Variants in RBFOX1 observed in about 807,000 individuals in gnomAD.
RBFOX1 encodes the protein RNA binding fox-1 homolog 1, also known as RNA binding protein fox-1 homolog 1.
RBFOX1 carries 8 observed loss-of-function variants against 57.7 expected under a neutral mutation model. The observed-to-expected ratio is 0.14, with a 90% CI of 0.08 to 0.25. The LOEUF (loss-of-function observed/expected upper bound fraction) is 0.25, where lower values mean the gene tolerates loss of function less well. RBFOX1 is among the 10% of genes least tolerant of loss of function. The pLI is 1.00. For missense variants in RBFOX1, 611 were observed against 548.5 expected, an observed-to-expected ratio of 1.11 and a Z score of -1.14; for synonymous variants, 326 against 222.4, an observed-to-expected ratio of 1.47 and a Z score of -4.15.
At chr16:6,816,809 A>G (rs1408946386) in intron 3 of RBFOX1, among the ~76,000 whole-genome samples, 4 of 152,010 alleles carry the variant, frequency 2.6e-5, no homozygotes, top group Non-Finnish European at 4.4e-5. Flanking sequence ...CAGTGATGCA[A>G]TCATATCTCA....
chr16:6,801,915 A>C (rs192462549), intron 3 of RBFOX1, among the ~76,000 whole-genome samples: 417 of 152,106 alleles, frequency 2.7e-3, no homozygotes, highest in African/African-American at 9.6e-3. Flanking sequence ...AGTCCTGAGG[A>C]CCTTCATCTG....
intron 4 of RBFOX1, among the ~76,000 whole-genome samples, chr16:7,112,050 G>A (rs551757223): frequency 1.4e-5 from 2 of 143,906 alleles, no homozygotes; most frequent in South Asian, 2.1e-4. Flanking sequence ...AGGGAGGTAA[G>A]TGTGTGTGTG....
chr16:7,598,267 C>T, intron 9 of RBFOX1, among the ~76,000 whole-genome samples: 1 of 151,952 alleles, frequency 6.6e-6, no homozygotes, highest in Non-Finnish European at 1.5e-5. Context: ...GGATAAGGAT[C>T]ATAAAGGGTC....
At chr16:6,608,135 T>C (rs542771567) in intron 2 of RBFOX1, among the ~76,000 whole-genome samples, 2 of 152,348 alleles carry the variant, frequency 1.3e-5, no homozygotes, top group East Asian at 1.9e-4. Context: ...TACTATTTCA[T>C]TGATTACTCC....
chr16:5,251,024 C>T (rs1174121390), intron 1 of RBFOX1, among the ~76,000 whole-genome samples: 7 of 152,282 alleles, frequency 4.6e-5, no homozygotes, highest in East Asian at 3.9e-4. Flanking sequence ...GATGATGGCA[C>T]GACCGCCCCT....
At chr16:6,533,181 C>T (rs1010125229) in intron 2 of RBFOX1, among the ~76,000 whole-genome samples, 12 of 152,194 alleles carry the variant, frequency 7.9e-5, no homozygotes, top group African/African-American at 2.9e-4. Flanking sequence ...CTAGATGAGA[C>T]CCTGATACTG....
intron 1 of RBFOX1, among the ~76,000 whole-genome samples, chr16:5,442,793 A>G (rs560258705): frequency 6.6e-6 from 1 of 152,272 alleles, no homozygotes; most frequent in South Asian, 2.1e-4. Flanking sequence ...TGTGGACTGA[A>G]TACTGTCTCT....
intron 3 of RBFOX1, among the ~76,000 whole-genome samples, chr16:6,717,847 G>T (rs116514855): frequency 6.6e-6 from 1 of 152,126 alleles, no homozygotes; most frequent in Non-Finnish European, 1.5e-5. Flanking sequence ...ATGGTGTTTC[G>T]TGGGATACCC....
At chr16:7,228,663 A>G (rs990805858) in intron 4 of RBFOX1, among the ~76,000 whole-genome samples, 2 of 152,170 alleles carry the variant, frequency 1.3e-5, no homozygotes, top group Non-Finnish European at 2.9e-5. Context: ...TTTGCACCTG[A>G]TTGGCTGTGC....
At chr16:6,002,446 A>G (rs974118051) in intron 4 of RBFOX1, among the ~76,000 whole-genome samples, 1 of 152,214 alleles carries the variant, frequency 6.6e-6, no homozygotes, top group Non-Finnish European at 1.5e-5. Flanking sequence ...TCCACATGGC[A>G]TGCACCTTTG....
intron 4 of RBFOX1, among the ~76,000 whole-genome samples, chr16:5,983,847 C>T (rs1469775562): frequency 6.7e-6 from 1 of 148,394 alleles, no homozygotes; most frequent in Non-Finnish European, 1.5e-5. Context: ...CCCTCCCTCC[C>T]TCCCTGCCTT....
rs185916906 is a variant in RBFOX1 at position 6,203,278 on chromosome 16, C to T, written c.-126-113717C>T. Among the ~76,000 whole-genome samples, 27 of 152,240 alleles carry T rather than the reference C, an allele frequency of 1.8e-4. No individual in the cohort carries two copies. The South Asian group carries it at 2.1e-3, about 12-fold the overall frequency. ...CCCCTTCTCCAACCCATGGCAACCA[C>T]GGTTGTACTTTGTGGTTCTGTGAGT... On this transcript the variant is annotated intron_variant, in intron 1 of 15. Coordinates refer to ENST00000550418, the MANE Select transcript of RBFOX1 (RefSeq NM_018723.4).
At chr16:6,630,467 A>G (rs969701092) in intron 2 of RBFOX1, among the ~76,000 whole-genome samples, 3 of 152,172 alleles carry the variant, frequency 2.0e-5, no homozygotes, top group Non-Finnish European at 4.4e-5. Context: ...ATCAGTTTGC[A>G]CCAGGCACTG....
chr16:7,402,332 T>C (rs2098258710), intron 4 of RBFOX1, among the ~76,000 whole-genome samples: 1 of 152,212 alleles, frequency 6.6e-6, no homozygotes, highest in South Asian at 2.1e-4. Flanking sequence ...AAGTAGTAAG[T>C]ATGTTCCTGA....
At chr16:7,539,784 G>C (rs1188655889) in intron 5 of RBFOX1, among the ~76,000 whole-genome samples, 1 of 152,172 alleles carries the variant, frequency 6.6e-6, no homozygotes, top group Non-Finnish European at 1.5e-5. Context: ...GATGAGGCTT[G>C]GGAGATGAAA....
chr16:6,131,320 C>G (rs371794900), intron 1 of RBFOX1, among the ~76,000 whole-genome samples: 1 of 152,196 alleles, frequency 6.6e-6, no homozygotes, highest in African/African-American at 2.4e-5. Flanking sequence ...GTTATTGGTA[C>G]TTTGCTGTAC....
chr16:7,285,392 G>A (rs2095630174), intron 4 of RBFOX1, among the ~76,000 whole-genome samples: 1 of 151,916 alleles, frequency 6.6e-6, no homozygotes, highest in African/African-American at 2.4e-5. Flanking sequence ...GTGTGTGTGT[G>A]TGTGTGTGTG....
chr16:5,588,898 G>A (rs1009530748), intron 2 of RBFOX1, among the ~76,000 whole-genome samples: 1 of 152,168 alleles, frequency 6.6e-6, no homozygotes, highest in Non-Finnish European at 1.5e-5. Flanking sequence ...CAATTGGGTG[G>A]TTGATTGGAT....
intron 3 of RBFOX1, among the ~76,000 whole-genome samples, chr16:6,867,643 C>T (rs556717147): frequency 6.6e-6 from 1 of 152,062 alleles, no homozygotes; most frequent in Non-Finnish European, 1.5e-5. Flanking sequence ...CGCTTGAACC[C>T]GGGAGGCAGA....
Sources: allele counts gnomAD v4.1 joint callset (sites outside exome capture counted in the v4.1 genomes callset), GRCh38; gene constraint gnomAD v4.1.1; transcripts MANE v1.5; gene names NCBI Gene and HGNC (gene_info 2026-07-23, HGNC 2026-07-21).